The following ATP2C2 variants were observed in gnomAD, a reference collection of about 807,000 sequenced individuals.
The protein encoded by ATP2C2 is calcium-transporting ATPase type 2C member 2.
A neutral mutation model predicts 110.8 loss-of-function variants in ATP2C2; 171 were observed. The ratio of observed to expected loss-of-function variants is 1.54; its 90% CI spans 1.36 to 1.75. The LOEUF is 1.75. ATP2C2 is among the 40% of genes most tolerant of loss of function. The pLI is 0.00. For synonymous variants in ATP2C2, 804 were observed against 508.4 expected (o/e 1.58, Z -7.82); for missense variants, 1,963 against 1,235.0 (o/e 1.59, Z -8.84).
chr16:84,372,088 G>A (rs1465107938), intron 1 of ATP2C2, among the ~76,000 whole-genome samples: 1 of 152,146 alleles, frequency 6.6e-6, no homozygotes, highest in Admixed American at 6.5e-5. Flanking sequence ...GAGGCGTTGG[G>A]GTTGGTAGGA....
At chr16:84,443,440 T>A (rs894519428) in intron 15 of ATP2C2, among the ~76,000 whole-genome samples, 1 of 152,078 alleles carries the variant, frequency 6.6e-6, no homozygotes, top group African/African-American at 2.4e-5. Flanking sequence ...CAGAACCCTC[T>A]CCATCAAGGT....
intron 1 of ATP2C2, among the ~76,000 whole-genome samples, chr16:84,390,544 GAC>G (rs1310921664): frequency 6.6e-6 from 1 of 152,214 alleles, no homozygotes; most frequent in Non-Finnish European, 1.5e-5. Flanking sequence ...AGGAGGCACA[GAC>G]ACAGAAGATG....
At chr16:84,382,894 TA>T (rs1170344466) in intron 1 of ATP2C2, among the ~76,000 whole-genome samples, 10,574 of 91,682 alleles carry the variant, frequency 0.12, 436 homozygotes, top group African/African-American at 0.14. Flanking sequence ...AGACTCCATC[TA>T]AAAAAAAAAA....
chr16:84,408,523 G>T, intron 4 of ATP2C2, 29 bp downstream of exon 4: 3 of 1,590,124 alleles, frequency 1.9e-6, no homozygotes, highest in Non-Finnish European at 2.6e-6. Flanking sequence ...CTCGGCTCCC[G>T]GGCGGGCAGC....
At chr16:84,388,715 C>T (rs1945724011) in intron 1 of ATP2C2, among the ~76,000 whole-genome samples, 1 of 152,194 alleles carries the variant, frequency 6.6e-6, no homozygotes. Flanking sequence ...TCTCCAAAGG[C>T]ATCGATCCCA....
At chr16:84,404,065 C>A (rs898864023) in intron 2 of ATP2C2, among the ~76,000 whole-genome samples, 4 of 152,216 alleles carry the variant, frequency 2.6e-5, no homozygotes, top group African/African-American at 9.6e-5. Context: ...CGCAGGGCTT[C>A]CATGCCCAAT....
In ATP2C2 at chr16:84,459,328, C is replaced by T. The variant is rs927834737; in HGVS notation, c.2275C>T (p.Leu759Phe). Reference protein sequence around the residue: ...LSTVFNLPSPLNAMQILWINI... With the variant: ...LSTVFNLPSPFNAMQILWINI... The stretch of plus-strand genomic sequence containing the variant: ...CACCGTGTTCAACCTGCCCAGCCCC[C>T]TCAACGCCATGCAGATCCTATGGAT... Residue 759 changes from leucine (L) to phenylalanine (F), a missense_variant, in exon 23 of 27, where the codon CTC becomes TTC. Physicochemically the swap from Leu to Phe is conservative, Grantham distance 22. Coordinates refer to ENST00000262429, the MANE Select transcript of ATP2C2 (RefSeq NM_014861.4). 1.9e-6 allele frequency: 3 copies of T among 1,614,100 alleles called. No individual in the cohort carries two copies. The highest frequency in any genetic ancestry group is 2.7e-5 in the African/African-American group (2 of 74,934).
rs757446118 is a variant in ATP2C2, at chr16:84,459,278, C to G, written c.2225C>G (p.Ser742Cys). ...FVRFQLSTSI[S>C]ALSLITLSTV... ...CTGCGTGTGCCCCGCAGGAGCATCT[C>G]CGCCCTGAGTCTCATCACTCTGTCC... is the stretch of plus-strand genomic sequence containing the variant. The change falls in exon 23 of 27, where the codon TCC becomes TGC. Residue 742 changes from serine (S) to cysteine (C), a missense_variant. Coordinates refer to ENST00000262429, the MANE Select transcript of ATP2C2 (RefSeq NM_014861.4). 6.2e-6 allele frequency: 10 copies of G among 1,614,120 alleles called. No homozygotes were observed. The East Asian group carries it at 1.8e-4, about 29-fold the overall frequency.
At chr16:84,385,816 C>T (rs1008303786) in intron 1 of ATP2C2, among the ~76,000 whole-genome samples, 12 of 152,186 alleles carry the variant, frequency 7.9e-5, no homozygotes, top group East Asian at 1.9e-4. Context: ...GAACCACTCC[C>T]GCCATCTAAT....
At chr16:84,414,529 C>T (rs879705548) in intron 6 of ATP2C2, among the ~76,000 whole-genome samples, 1 of 152,184 alleles carries the variant, frequency 6.6e-6, no homozygotes, top group African/African-American at 2.4e-5. Flanking sequence ...CCCCAGCAAA[C>T]ATCCACTCAT....
intron 1 of ATP2C2, among the ~76,000 whole-genome samples, chr16:84,371,398 A>T (rs975612670): frequency 6.6e-6 from 1 of 152,250 alleles, no homozygotes; most frequent in South Asian, 2.1e-4. Flanking sequence ...CTAGCTACTC[A>T]CCAAGCTGAA....
intron 11 of ATP2C2, among the ~76,000 whole-genome samples, chr16:84,434,134 T>G (rs1166535130): frequency 6.6e-6 from 1 of 152,100 alleles, no homozygotes; most frequent in African/African-American, 2.4e-5. Context: ...AACGAATTCC[T>G]GGGTCGGGCA....
At chr16:84,400,728 A>G (rs1159412193) in intron 2 of ATP2C2, among the ~76,000 whole-genome samples, 1 of 152,060 alleles carries the variant, frequency 6.6e-6, no homozygotes, top group Admixed American at 6.6e-5. Context: ...CATATCCAGG[A>G]TTTGTTATTG....
At chr16:84,379,433 T>G (rs1251638813) in intron 1 of ATP2C2, among the ~76,000 whole-genome samples, 2 of 152,212 alleles carry the variant, frequency 1.3e-5, no homozygotes, top group African/African-American at 4.8e-5. Context: ...CCCAAAGTGT[T>G]GGGATTACAG....
At chr16:84,410,876 AC>A in intron 6 of ATP2C2, 111 bp downstream of exon 6, 1 of 1,073,240 alleles carries the variant, frequency 9.3e-7, no homozygotes, top group Non-Finnish European at 1.4e-6. Flanking sequence ...GGACAAGAGA[AC>A]CACATCTCAC....
At chr16:84,386,190 C>A (rs531882773) in intron 1 of ATP2C2, among the ~76,000 whole-genome samples, 1 of 152,154 alleles carries the variant, frequency 6.6e-6, no homozygotes, top group African/African-American at 2.4e-5. Context: ...ATTTAGAAAG[C>A]AAGATCTGGT....
intron 24 of ATP2C2, chr16:84,461,326 A>C (rs1597890358): frequency 3.2e-6 from 1 of 311,156 alleles, no homozygotes; most frequent in Non-Finnish European, 6.0e-6. Flanking sequence ...CTGGCCGGGT[A>C]CCCTGCCTCC....
intron 23 of ATP2C2, 102 bp downstream of exon 23, chr16:84,459,488 A>G (rs747478708): frequency 6.3e-7 from 1 of 1,592,740 alleles, no homozygotes; most frequent in East Asian, 2.3e-5. Flanking sequence ...ATGAACAAAT[A>G]CAGCCACTTT....
chr16:84,396,198 T>C (rs904663946), intron 1 of ATP2C2, among the ~76,000 whole-genome samples: 2 of 151,028 alleles, frequency 1.3e-5, no homozygotes, highest in Non-Finnish European at 2.9e-5. Context: ...CACTGGAATC[T>C]CTGCAAGTGT....
Sources: gnomAD v4.1 joint callset for allele counts (sites outside exome capture counted in the v4.1 genomes callset) on GRCh38, gnomAD v4.1.1 for gene constraint, MANE v1.5 for transcripts, NCBI Gene and HGNC (gene_info 2026-07-23, HGNC 2026-07-21) for gene names.